The following PRKAG2 variants were observed in gnomAD, a reference collection of about 807,000 sequenced individuals.
PRKAG2 encodes 5'-AMP-activated protein kinase subunit gamma-2.
PRKAG2 carries 26 observed loss-of-function variants against 69.6 expected under a neutral mutation model. The ratio of observed to expected loss-of-function variants is 0.37; its 90% CI spans 0.27 to 0.52. PRKAG2 has a LOEUF of 0.52. PRKAG2 is among the 20% of genes least tolerant of loss of function. The pLI, the probability that PRKAG2 is intolerant of heterozygous loss-of-function variation, is 0.90. For missense variants in PRKAG2, 557 were observed against 740.0 expected (o/e 0.75, Z 2.87); for synonymous variants, 293 against 285.0 (o/e 1.03, Z -0.28).
intron 1 of PRKAG2, among the ~76,000 whole-genome samples, chr7:151,823,024 A>ACCCCT (rs1407840526): frequency 7.1e-6 from 1 of 140,632 alleles, no homozygotes; most frequent in Non-Finnish European, 1.6e-5. Context: ...TGGTTTTCAG[A>ACCCCT]CCCCACCCCA....
At chr7:151,837,678 C>G (rs1016987496) in intron 1 of PRKAG2, among the ~76,000 whole-genome samples, 3 of 152,178 alleles carry the variant, frequency 2.0e-5, no homozygotes, top group African/African-American at 7.2e-5. Context: ...AGGCACTTTT[C>G]TCAGGGGGCT....
rs71198737 is a variant in PRKAG2, at chr7:151,857,399, CAAAAAAA to C, written c.114+19101_114+19107del. Among the ~76,000 whole-genome samples, 7 of 122,978 alleles carry C rather than the reference CAAAAAAA, an allele frequency of 5.7e-5. No individual in the cohort carries two copies. In the East Asian group the frequency reaches 1.2e-3, roughly 21 times the overall value. The allele number at this position is 122,978 out of a possible 152,430, so 80.7% of individuals were successfully genotyped here. ...TGGACCCATCAGCAACTGGAAGTAC[CAAAAAAA>C]AAAAAAAAAAGACTTCATATAAATG... On this transcript the variant is annotated intron_variant, in intron 1 of 15. Transcript: ENST00000287878.
At chr7:151,822,568 G>A (rs1391591306) in intron 1 of PRKAG2, among the ~76,000 whole-genome samples, 1 of 152,240 alleles carries the variant, frequency 6.6e-6, no homozygotes, top group Non-Finnish European at 1.5e-5. Context: ...GAAAAGCCAA[G>A]GGCCAGGAGG....
At chr7:151,606,310 AC>A (rs1317067760) in intron 5 of PRKAG2, among the ~76,000 whole-genome samples, 1 of 152,184 alleles carries the variant, frequency 6.6e-6, no homozygotes, top group African/African-American at 2.4e-5. Context: ...AAAATATAAA[AC>A]GTTCCTTTTT....
rs569182496 is a variant in PRKAG2 at position 151,822,538 on chromosome 7, G to T, written c.115-35997C>A. Among the ~76,000 whole-genome samples, 4 of 152,308 alleles carry T rather than the reference G, an allele frequency of 2.6e-5. No homozygotes were observed. The East Asian group carries it at 7.7e-4, about 29-fold the overall frequency. ...AGGTCCAGGGGCTCCCTTGGGGCTGGGCTGCACAGCTGAGACTGTGAAAAG... is the reference window on the plus strand; with the variant it reads ...AGGTCCAGGGGCTCCCTTGGGGCTGTGCTGCACAGCTGAGACTGTGAAAAG... On this transcript the variant is annotated intron_variant, in intron 1 of 15. Coordinates refer to ENST00000287878, the MANE Select transcript of PRKAG2 (RefSeq NM_016203.4).
chr7:151,875,677 C>A (rs2080377127), intron 1 of PRKAG2, among the ~76,000 whole-genome samples: 1 of 151,802 alleles, frequency 6.6e-6, no homozygotes, highest in East Asian at 2.0e-4. Flanking sequence ...CACCTCCCAC[C>A]GCCCTACCCC....
Position 151,570,916 on chromosome 7 carries a change from C to T in PRKAG2, c.1052-691G>A, listed in dbSNP as rs149268507. 4.8e-3 allele frequency among the ~76,000 whole-genome samples: 726 copies of T among 152,040 alleles called. 5 individuals are homozygous for T. The highest frequency in any genetic ancestry group is 0.031 in the Middle Eastern group (9 of 294). ...CCAAATAGCTGGGACTAAAGGTGCA[C>T]GTCACCACACCCTGCTAATTTTTTT... On this transcript the variant is annotated intron_variant, in intron 9 of 15. Transcript: ENST00000287878.
chr7:151,736,202 C>T, intron 3 of PRKAG2: 1 of 1,407,448 alleles, frequency 7.1e-7, no homozygotes, highest in South Asian at 1.5e-5. Context: ...ACCGCAGCCC[C>T]AGAGTCTGTG....
At chr7:151,560,759 C>T in intron 14 of PRKAG2, 142 bp from the exon 15 acceptor site, 1 of 1,162,966 alleles carries the variant, frequency 8.6e-7, no homozygotes, top group Non-Finnish European at 1.2e-6. Flanking sequence ...ATCATCTCTA[C>T]AAAAACATTA....
intron 4 of PRKAG2, among the ~76,000 whole-genome samples, chr7:151,673,293 G>C (rs555815464): frequency 2.0e-5 from 3 of 152,228 alleles, no homozygotes; most frequent in Admixed American, 2.0e-4. Flanking sequence ...CCTAGTCAAA[G>C]CCTAATTTTC....
At chr7:151,635,066 C>T (rs977295658) in intron 4 of PRKAG2, among the ~76,000 whole-genome samples, 3 of 151,584 alleles carry the variant, frequency 2.0e-5, no homozygotes, top group Non-Finnish European at 4.4e-5. Context: ...TTTCCTGTCT[C>T]AGCCTCCTGA....
chr7:151,748,943 C>A (rs2074483083), intron 3 of PRKAG2, among the ~76,000 whole-genome samples: 1 of 146,462 alleles, frequency 6.8e-6, no homozygotes, highest in African/African-American at 2.8e-5. Flanking sequence ...TAATCATTCG[C>A]CAAAATTTTA....
At chr7:151,809,111 G>C in intron 1 of PRKAG2, 1 of 409,606 alleles carries the variant, frequency 2.4e-6, no homozygotes, top group South Asian at 1.8e-5. Flanking sequence ...GGTGGTGGCA[G>C]ATGCCTGCAG....
At chr7:151,778,111 C>T (rs948318878) in intron 3 of PRKAG2, among the ~76,000 whole-genome samples, 2 of 152,104 alleles carry the variant, frequency 1.3e-5, no homozygotes, top group Non-Finnish European at 2.9e-5. Flanking sequence ...CACCTAGAGG[C>T]CGACTCAGTG....
At chr7:151,696,100 C>T (rs1257258269) in intron 3 of PRKAG2, among the ~76,000 whole-genome samples, 1 of 152,202 alleles carries the variant, frequency 6.6e-6, no homozygotes, top group Non-Finnish European at 1.5e-5. Flanking sequence ...ATCAGTGCCT[C>T]CTCTGCAGCC....
At chr7:151,802,587 G>T (rs1231716404) in intron 1 of PRKAG2, among the ~76,000 whole-genome samples, 1 of 152,196 alleles carries the variant, frequency 6.6e-6, no homozygotes, top group Non-Finnish European at 1.5e-5. Context: ...GGCTTAAAGG[G>T]CAGAATCAAA....
At chr7:151,742,379 G>A (rs948324713) in intron 3 of PRKAG2, among the ~76,000 whole-genome samples, 10 of 152,194 alleles carry the variant, frequency 6.6e-5, no homozygotes, top group African/African-American at 2.2e-4. Flanking sequence ...TGTAATCCCA[G>A]CACTTTGGGA....
chr7:151,593,528 G>A (rs1268072599), intron 6 of PRKAG2, among the ~76,000 whole-genome samples: 1 of 152,030 alleles, frequency 6.6e-6, no homozygotes, highest in African/African-American at 2.4e-5. Flanking sequence ...TAGAAATGCC[G>A]GTGGTCAGAA....
chr7:151,575,034 C>T lies in PRKAG2; in HGVS notation c.947-85G>A, dbSNP rs540056218. The stretch of plus-strand genomic sequence containing the variant: ...ATGACAAGTGAGCCTAGAATATATG[C>T]TAGAAGAGCTTATAAAATATACTTC... On this transcript the variant is annotated intron_variant, in intron 7 of 15. Coordinates refer to ENST00000287878, the MANE Select transcript of PRKAG2 (RefSeq NM_016203.4). 18 of 1,536,968 alleles carry T rather than the reference C, an allele frequency of 1.2e-5. No homozygotes were observed. The Admixed American group carries it at 3.0e-4, about 26-fold the overall frequency.
Sources: allele counts gnomAD v4.1 joint callset (sites outside exome capture counted in the v4.1 genomes callset), GRCh38; gene constraint gnomAD v4.1.1; transcripts MANE v1.5; gene names NCBI Gene and HGNC (gene_info 2026-07-23, HGNC 2026-07-21).